ANKRD28: variants seen among roughly 807,000 people sequenced by gnomAD.
ANKRD28 encodes serine/threonine-protein phosphatase 6 regulatory ankyrin repeat subunit A.
In ANKRD28, 44 loss-of-function variants were observed where a neutral mutation model predicts 126.5. The ratio of observed to expected loss-of-function variants is 0.35; its 90% CI spans 0.27 to 0.45. The LOEUF (loss-of-function observed/expected upper bound fraction) is 0.45, where lower values mean the gene tolerates loss of function less well. Among genes scored for constraint, ANKRD28 ranks in the 20% least tolerant of loss-of-function variants. ANKRD28 has a pLI of 1.00. For synonymous variants in ANKRD28, 442 were observed against 468.5 expected (o/e 0.94, Z 0.73); for missense variants, 1,110 against 1,316.6 (o/e 0.84, Z 2.43).
chr3:15,743,506 A>G (rs1229710411), intron 4 of ANKRD28, among the ~76,000 whole-genome samples: 9 of 152,022 alleles, frequency 5.9e-5, no homozygotes, highest in South Asian at 2.1e-4. Context: ...AGGTTAAAAT[A>G]TAAGTCGTAT....
chr3:15,800,783 A>G (rs2060447129), upstream of ANKRD28, among the ~76,000 whole-genome samples: 1 of 152,128 alleles, frequency 6.6e-6, no homozygotes, highest in African/African-American at 2.4e-5. Flanking sequence ...TCCTTTGGGA[A>G]AAAGGATAGA....
intron 6 of ANKRD28, among the ~76,000 whole-genome samples, chr3:15,730,263 A>T (rs935785982): frequency 3.3e-5 from 5 of 152,210 alleles, no homozygotes; most frequent in African/African-American, 1.2e-4. Flanking sequence ...AAGCAACAGG[A>T]AAGATGAATG....
At chr3:15,677,743 A>G in intron 24 of ANKRD28, 181 bp from the exon 25 acceptor site, 1 of 462,292 alleles carries the variant, frequency 2.2e-6, no homozygotes, top group Non-Finnish European at 3.9e-6. Context: ...AGACAATTAT[A>G]TTGTTGTATA....
At chr3:15,798,260 T>C (rs1043468190), upstream of ANKRD28, 21 of 713,308 alleles carry the variant, frequency 2.9e-5, no homozygotes, top group Admixed American at 6.3e-5. Context: ...TTTAACCCTA[T>C]AATGACAGTT....
intron 18 of ANKRD28, 132 bp downstream of exon 18, chr3:15,689,887 A>T: frequency 1.3e-6 from 1 of 763,798 alleles, no homozygotes; most frequent in Non-Finnish European, 2.0e-6. Context: ...GAGGTCAAAT[A>T]ATCCATATAT....
chr3:15,806,339 G>A (rs1040146871), intron 1 of ANKRD28, among the ~76,000 whole-genome samples: 8 of 152,074 alleles, frequency 5.3e-5, no homozygotes, highest in East Asian at 1.9e-4. Context: ...TGTTAAATCC[G>A]CTATCAGTTA....
upstream of ANKRD28, among the ~76,000 whole-genome samples, chr3:15,800,883 G>A (rs1317210888): frequency 6.6e-6 from 1 of 152,030 alleles, no homozygotes; most frequent in African/African-American, 2.4e-5. Flanking sequence ...TAAATTAGCA[G>A]CACTGTTTTG....
At chr3:15,715,279 C>T (rs546475269) in intron 8 of ANKRD28, among the ~76,000 whole-genome samples, 2 of 152,126 alleles carry the variant, frequency 1.3e-5, no homozygotes. Context: ...CCAAAACATA[C>T]ATGTTACCAA....
At chr3:15,837,883 T>A (rs2061355935) in intron 1 of ANKRD28, among the ~76,000 whole-genome samples, 1 of 141,920 alleles carries the variant, frequency 7.0e-6, no homozygotes, top group Admixed American at 6.9e-5. Context: ...AACCTTTAAT[T>A]AAGCTAACCA....
chr3:15,747,786 A>T (rs1309277178), intron 4 of ANKRD28, among the ~76,000 whole-genome samples: 4 of 152,068 alleles, frequency 2.6e-5, no homozygotes, highest in Non-Finnish European at 5.9e-5. Flanking sequence ...AGTGCTGTTA[A>T]TGGAGTATTA....
upstream of ANKRD28, among the ~76,000 whole-genome samples, chr3:15,802,956 T>C (rs1001452281): frequency 2.6e-5 from 4 of 152,152 alleles, no homozygotes; most frequent in African/African-American, 9.7e-5. Flanking sequence ...GCAACTGTGA[T>C]AAATTCTCGA....
chr3:15,855,011 T>G (rs2061733264), intron 1 of ANKRD28, among the ~76,000 whole-genome samples: 1 of 152,092 alleles, frequency 6.6e-6, no homozygotes, highest in African/African-American at 2.4e-5. Flanking sequence ...ATCGTGCCGC[T>G]GCACTCCAGC....
Position 15,850,200 on chromosome 3 carries a change from A to ATATATAT in ANKRD28, c.27+9176_27+9177insATATATA, listed in dbSNP as rs1208827136. On this transcript the variant is annotated intron_variant, in intron 1 of 27. Coordinates refer to the ANKRD28 transcript ENST00000399451. ...GGTATCTACATGCAATAAAAAAAAAAAAAAATATATATATATATATATATA... is the reference window on the plus strand; with the variant it reads ...GGTATCTACATGCAATAAAAAAAAAATATATATAAAAATATATATATATATATATATA... 7.9e-3 allele frequency among the ~76,000 whole-genome samples: 375 copies of ATATATAT among 47,418 alleles called. 15 individuals carry two copies. Among genetic ancestry groups the ATATATAT allele is most frequent in the East Asian group, 0.033 (61 of 1,824 alleles). The allele number at this position is 47,418 out of a possible 152,430, so 31.1% of individuals were successfully genotyped here.
At position 15,713,541 on chromosome 3, in the gene ANKRD28, A is replaced by G. The variant is rs1320257500; in HGVS notation, c.1176T>C (p.Gly392=). 6.2e-7 allele frequency: 1 copy of G among 1,611,192 alleles called. No homozygotes were observed. Among genetic ancestry groups the G allele is most frequent in the East Asian group, 2.2e-5 (1 of 44,680 alleles). The part of the protein sequence containing the change: ...ELLINTLITS[G]ADTAKRGIHG... Reference sequence around the variant, plus strand: ...TAAGTACTTACTTTGCAGTGTCAGCACCACTTGTAATAAGAGTGTTGATCA... The same window carrying G: ...TAAGTACTTACTTTGCAGTGTCAGCGCCACTTGTAATAAGAGTGTTGATCA... Residue 392 remains glycine (G), a synonymous_variant, in exon 10 of 28, where the codon GGT becomes GGC. Coordinates refer to ENST00000683139, the MANE Select transcript of ANKRD28 (RefSeq NM_001349278.2).
intron 3 of ANKRD28, among the ~76,000 whole-genome samples, chr3:15,757,160 G>GT (rs929959291): frequency 1.4e-4 from 21 of 152,052 alleles, no homozygotes; most frequent in African/African-American, 5.1e-4. Context: ...TTATTTTATT[G>GT]TAAGAATACA....
rs34139082 is a variant in ANKRD28, at chr3:15,796,643, GTTT to G, written c.-125_-123del. ...AACATTCTCTGAACAGCACAGCTGG[GTTT>G]TTTTTTTTTTTAAAGTTAATAAGTA... On this transcript the variant is annotated 5_prime_UTR_variant, in exon 1 of 28. Transcript: ENST00000683139. 2 of 912,468 alleles carry G rather than the reference GTTT, an allele frequency of 2.2e-6. No individual in the cohort carries two copies. Among genetic ancestry groups the G allele is most frequent in the Non-Finnish European group, 2.6e-6 (2 of 764,738 alleles). 56.5% of individuals were successfully genotyped at this position (912,468 alleles called of 1,614,324 possible).
At chr3:15,799,615 T>C (rs2060417191), upstream of ANKRD28, among the ~76,000 whole-genome samples, 1 of 152,070 alleles carries the variant, frequency 6.6e-6, no homozygotes, top group Non-Finnish European at 1.5e-5. Context: ...ACAACTATAG[T>C]AACAATATCC....
intron 3 of ANKRD28, among the ~76,000 whole-genome samples, chr3:15,756,244 C>T (rs1007238735): frequency 6.6e-6 from 1 of 152,130 alleles, no homozygotes; most frequent in African/African-American, 2.4e-5. Flanking sequence ...TAAAAATCAA[C>T]TGCAGGATCA....
intron 18 of ANKRD28, among the ~76,000 whole-genome samples, chr3:15,688,959 T>G (rs1232578127): frequency 6.6e-6 from 1 of 152,220 alleles, no homozygotes; most frequent in African/African-American, 2.4e-5. Flanking sequence ...CCAAAATAAC[T>G]TCTACCAGAA....
Sources: gnomAD v4.1 joint callset for allele counts (sites outside exome capture counted in the v4.1 genomes callset) on GRCh38, gnomAD v4.1.1 for gene constraint, MANE v1.5 for transcripts, NCBI Gene and HGNC (gene_info 2026-07-23, HGNC 2026-07-21) for gene names.